Variants in RTN4 observed in about 807,000 individuals in gnomAD.
RTN4 encodes the protein reticulon 4, also known as reticulon-4.
Under a neutral mutation model 90.4 loss-of-function variants are expected in RTN4, and 32 were observed. The ratio of observed to expected loss-of-function variants is 0.35; its 90% CI spans 0.27 to 0.48. The LOEUF is 0.48. Among genes scored for constraint, RTN4 ranks in the 20% least tolerant of loss-of-function variants. The probability of loss-of-function intolerance (pLI) is 0.99; values close to 1 mark genes in which losing one functional copy is unlikely to be tolerated. For missense variants in RTN4, 1,706 were observed against 1,430.2 expected, an observed-to-expected ratio of 1.19 and a Z score of -3.11; for synonymous variants, 629 against 552.5, an observed-to-expected ratio of 1.14 and a Z score of -1.94.
At chr2:55,020,135 C>G (rs577140005) in intron 3 of RTN4, among the ~76,000 whole-genome samples, 3 of 152,164 alleles carry the variant, frequency 2.0e-5, no homozygotes, top group African/African-American at 7.2e-5. Context: ...ATATCCAAAG[C>G]AGTCTACAGA....
intron 1 of RTN4, among the ~76,000 whole-genome samples, chr2:55,030,568 C>T (rs1331240734): frequency 6.6e-6 from 1 of 151,990 alleles, no homozygotes; most frequent in African/African-American, 2.4e-5. Flanking sequence ...CCTAATGAAA[C>T]TTGTAAAATA....
intron 1 of RTN4, chr2:55,080,649 GAA>G (rs1668693985): frequency 6.6e-6 from 1 of 152,056 alleles, no homozygotes; most frequent in South Asian, 2.1e-4. Context: ...TCTATTGAAA[GAA>G]AAGGGTAGGA....
intron 2 of RTN4, among the ~76,000 whole-genome samples, chr2:55,065,939 A>C (rs1366015605): frequency 6.6e-6 from 1 of 152,206 alleles, no homozygotes; most frequent in African/African-American, 2.4e-5. Context: ...AGTGTGCATA[A>C]ACATGTATAT....
chr2:54,998,075 G>T (rs1285245914), intron 3 of RTN4, among the ~76,000 whole-genome samples: 1 of 152,030 alleles, frequency 6.6e-6, no homozygotes, highest in Admixed American at 6.6e-5. Context: ...AGTGAAAGAA[G>T]CCAGTCACAA....
At chr2:55,104,866 G>C (rs1667914519) in intron 1 of RTN4, among the ~76,000 whole-genome samples, 1 of 152,080 alleles carries the variant, frequency 6.6e-6, no homozygotes, top group East Asian at 1.9e-4. Context: ...GAGTGCAGTG[G>C]TGCGATCTTG....
chr2:55,005,814 G>C lies in RTN4; in HGVS notation c.3014-18116C>G, dbSNP rs111591364. On this transcript the variant is annotated intron_variant, in intron 3 of 8. Transcript: ENST00000337526. The stretch of plus-strand genomic sequence containing the variant: ...TTTCATCTACATGTTATACCCATAG[G>C]CTGGAAGTAATTTTATGCAATATTT... Among the ~76,000 whole-genome samples, 1,186 of 152,220 alleles carry C rather than the reference G, an allele frequency of 7.8e-3. 15 individuals are homozygous for C. The highest frequency in any genetic ancestry group is 0.027 in the African/African-American group (1,102 of 41,560).
At chr2:55,017,493 T>A (rs1681128239) in intron 3 of RTN4, among the ~76,000 whole-genome samples, 1 of 152,220 alleles carries the variant, frequency 6.6e-6, no homozygotes, top group African/African-American at 2.4e-5. Flanking sequence ...AAATAATCAA[T>A]GTATGGTCGG....
At chr2:55,003,331 T>A (rs1410898050) in intron 3 of RTN4, among the ~76,000 whole-genome samples, 11 of 152,200 alleles carry the variant, frequency 7.2e-5, no homozygotes, top group Non-Finnish European at 1.6e-4. Flanking sequence ...TTGAGCTTCA[T>A]AAGAAAATGT....
intron 3 of RTN4, among the ~76,000 whole-genome samples, chr2:55,019,296 G>A (rs556913791): frequency 1.3e-5 from 2 of 152,244 alleles, no homozygotes; most frequent in South Asian, 4.1e-4. Context: ...AACTCTCATG[G>A]TAAAGACTGG....
chr2:55,122,222 A>G, the RTN4 span, among the ~76,000 whole-genome samples: 2 of 152,092 alleles, frequency 1.3e-5, no homozygotes, highest in Non-Finnish European at 2.9e-5. Flanking sequence ...CAAGCAATCC[A>G]CCTGCCTCGG....
At chr2:55,065,708 T>C (rs546076126) in intron 2 of RTN4, among the ~76,000 whole-genome samples, 6 of 151,966 alleles carry the variant, frequency 3.9e-5, no homozygotes, top group Non-Finnish European at 7.3e-5. Flanking sequence ...ATTCCATTTA[T>C]ATGAAGTTTA....
rs188703227 is a variant in RTN4 at position 55,093,788 on chromosome 2, C to T, written c.-213-13149G>A. On this transcript the variant is annotated intron_variant, in intron 1 of 3. Transcript: ENST00000427710. ...GGCAGTCTGAGGGCCCCTTAACTAA[C>T]TCCCTGTTAAGGTCTGGCAAGGATA... Among the ~76,000 whole-genome samples the T allele has an allele frequency of 4.6e-5, 7 of 152,340 alleles. No individual in the cohort carries two copies. In the East Asian group the frequency reaches 1.3e-3, roughly 29 times the overall value.
chr2:55,088,191 A>T (rs1668878280), intron 1 of RTN4, among the ~76,000 whole-genome samples: 1 of 152,214 alleles, frequency 6.6e-6, no homozygotes, highest in South Asian at 2.1e-4. Context: ...GCAGAGACAA[A>T]TTCTATGACA....
intron 5 of RTN4, among the ~76,000 whole-genome samples, chr2:54,977,115 G>C (rs1026557072): frequency 4.6e-5 from 7 of 151,482 alleles, no homozygotes; most frequent in Admixed American, 2.0e-4. Flanking sequence ...CAAACGGTGG[G>C]AGAGTGCTTA....
chr2:55,129,840 C>T, the RTN4 span, among the ~76,000 whole-genome samples: 15 of 152,098 alleles, frequency 9.9e-5, no homozygotes, highest in Middle Eastern at 3.4e-3. Flanking sequence ...CAATTACAGG[C>T]GTGAGCCACC....
chr2:55,044,808 AAAG>A (rs1420537248), intron 1 of RTN4, among the ~76,000 whole-genome samples: 4 of 150,650 alleles, frequency 2.7e-5, no homozygotes, highest in Non-Finnish European at 5.9e-5. Flanking sequence ...AAAAAAAAAA[AAAG>A]ACCACAAATT....
intron 5 of RTN4, among the ~76,000 whole-genome samples, chr2:54,978,681 G>C (rs1433787622): frequency 2.0e-5 from 3 of 151,964 alleles, no homozygotes; most frequent in Non-Finnish European, 4.4e-5. Flanking sequence ...AATTAAGATG[G>C]TTTCCATTTT....
At chr2:55,003,556 C>A (rs192671721) in intron 3 of RTN4, among the ~76,000 whole-genome samples, 11 of 152,210 alleles carry the variant, frequency 7.2e-5, no homozygotes, top group Non-Finnish European at 1.3e-4. Context: ...GATCACTGCT[C>A]CAAGGATGCA....
At position 55,026,927 on chromosome 2, in the gene RTN4, T is replaced by C. The variant is rs754243459; in HGVS notation, c.1172A>G (p.Glu391Gly). The C allele has an allele frequency of 6.2e-7, 1 of 1,613,554 alleles. No individual in the cohort carries two copies. The highest frequency in any genetic ancestry group is 1.7e-5 in the Admixed American group (1 of 59,956). ...REEYADFKPF[E>G]RVWEVKDSKE... ...ACTATCTTTCACTTCCCATACTCGC[T>C]CAAATGGTTTGAAGTCTGCATATTC... The change falls in exon 3 of 9, where the codon GAG becomes GGG. Residue 391 changes from glutamate (E) to glycine (G), a missense_variant. Coordinates refer to ENST00000337526, the MANE Select transcript of RTN4 (RefSeq NM_020532.5).
Sources: gnomAD v4.1 joint callset for allele counts (sites outside exome capture counted in the v4.1 genomes callset) on GRCh38, gnomAD v4.1.1 for gene constraint, MANE v1.5 for transcripts, NCBI Gene and HGNC (gene_info 2026-07-23, HGNC 2026-07-21) for gene names.